The following TRABD2B variants were observed in gnomAD, a reference collection of about 807,000 sequenced individuals.
TRABD2B encodes TraB domain containing 2B.
TRABD2B carries 14 observed loss-of-function variants against 40.1 expected under a neutral mutation model. That is an observed-to-expected ratio of 0.35 (90% CI 0.23 to 0.55). TRABD2B has a LOEUF of 0.55. TRABD2B is among the 20% of genes least tolerant of loss of function. The pLI is 0.90. For synonymous variants in TRABD2B, 263 were observed against 277.0 expected (o/e 0.95, Z 0.50); for missense variants, 541 against 648.6 (o/e 0.83, Z 1.80).
chr1:47,949,037 A>G (rs765885925), intron 2 of TRABD2B, among the ~76,000 whole-genome samples: 31 of 152,202 alleles, frequency 2.0e-4, no homozygotes, highest in Non-Finnish European at 3.7e-4. Context: ...CGTGACTAAC[A>G]TAAGGGCACA....
chr1:47,913,281 G>A (rs1440788300), intron 2 of TRABD2B, among the ~76,000 whole-genome samples: 1 of 152,210 alleles, frequency 6.6e-6, no homozygotes, highest in Non-Finnish European at 1.5e-5. Flanking sequence ...GGCACTGGGT[G>A]CTGCCTTTTA....
intron 2 of TRABD2B, among the ~76,000 whole-genome samples, chr1:47,902,407 C>A (rs966199373): frequency 2.6e-5 from 4 of 152,304 alleles, no homozygotes; most frequent in Non-Finnish European, 4.4e-5. Flanking sequence ...CCGAGACCCA[C>A]GAGAAGGAGT....
At chr1:47,873,210 C>T (rs978390350) in intron 2 of TRABD2B, among the ~76,000 whole-genome samples, 4 of 152,138 alleles carry the variant, frequency 2.6e-5, no homozygotes, top group East Asian at 1.9e-4. Flanking sequence ...AATACCATCA[C>T]CTTGAAGGTC....
chr1:47,888,599 G>A (rs952780053), intron 2 of TRABD2B, among the ~76,000 whole-genome samples: 4 of 152,076 alleles, frequency 2.6e-5, no homozygotes, highest in Admixed American at 1.3e-4. Flanking sequence ...TCCAAACTGG[G>A]AGTGACAGTG....
intron 2 of TRABD2B, among the ~76,000 whole-genome samples, chr1:47,835,299 A>T (rs1446037884): frequency 6.6e-6 from 1 of 152,216 alleles, no homozygotes; most frequent in Non-Finnish European, 1.5e-5. Context: ...CACACCATCA[A>T]GTGTACCAAC....
At chr1:47,860,698 G>C (rs895583451) in intron 2 of TRABD2B, among the ~76,000 whole-genome samples, 2 of 152,204 alleles carry the variant, frequency 1.3e-5, no homozygotes, top group Non-Finnish European at 2.9e-5. Context: ...GGTGGGCCTA[G>C]TCAGAAGTGT....
At chr1:47,980,842 C>T (rs1346526328) in intron 2 of TRABD2B, among the ~76,000 whole-genome samples, 2 of 152,188 alleles carry the variant, frequency 1.3e-5, no homozygotes, top group Admixed American at 6.5e-5. Flanking sequence ...TCTCTGCTTC[C>T]CAGGGCCACA....
At chr1:47,794,792 T>A (rs971765048) in intron 3 of TRABD2B, 32 bp from the exon 4 acceptor site, 9 of 666,978 alleles carry the variant, frequency 1.3e-5, no homozygotes, top group Non-Finnish European at 1.5e-5. Flanking sequence ...TGCCTTCAGT[T>A]TTTTTTTTTT....
rs1043020501 is a variant in TRABD2B, at chr1:47,778,637, C to T, written c.989-93G>A. ...GCCATCCCCTAAGTTTGTATCTGGG[C>T]CAGTGACCTACACCAAAGTCAATGC... On this transcript the variant is annotated intron_variant, in intron 4 of 6. Transcript: ENST00000606738. 5.8e-6 allele frequency: 5 copies of T among 868,794 alleles called. No homozygotes were observed. In the African/African-American group the frequency reaches 8.3e-5, roughly 14 times the overall value. 53.8% of individuals were successfully genotyped at this position (868,794 alleles called of 1,614,324 possible). A position where few individuals can be genotyped will look rare whatever the true frequency, so the allele number is the denominator to read the frequency against.
intron 2 of TRABD2B, among the ~76,000 whole-genome samples, chr1:47,914,300 A>T (rs1370605863): frequency 1.3e-5 from 2 of 152,238 alleles, no homozygotes; most frequent in Non-Finnish European, 2.9e-5. Flanking sequence ...CAAGAGTAGC[A>T]GGAAGAGAGG....
intron 2 of TRABD2B, among the ~76,000 whole-genome samples, chr1:47,856,190 G>T (rs1370296833): frequency 1.3e-5 from 2 of 152,166 alleles, no homozygotes; most frequent in East Asian, 3.9e-4. Context: ...ATGTAAGCGG[G>T]GTCTGCGGGC....
chr1:47,789,878 G>C (rs561421792), intron 4 of TRABD2B, among the ~76,000 whole-genome samples: 8 of 151,210 alleles, frequency 5.3e-5, no homozygotes, highest in African/African-American at 1.9e-4. Flanking sequence ...TGTATCATCA[G>C]CCTCACTCAT....
chr1:47,773,062 A>C (rs1644397008), intron 6 of TRABD2B, among the ~76,000 whole-genome samples: 3 of 152,244 alleles, frequency 2.0e-5, no homozygotes, highest in African/African-American at 7.2e-5. Context: ...ACCTTCAGAC[A>C]TGGTTAGGGG....
chr1:47,858,023 T>C (rs1223563096), intron 2 of TRABD2B, among the ~76,000 whole-genome samples: 2 of 151,900 alleles, frequency 1.3e-5, no homozygotes, highest in Non-Finnish European at 2.9e-5. Context: ...AAGTATATTG[T>C]TATAATGGTT....
intron 2 of TRABD2B, among the ~76,000 whole-genome samples, chr1:47,805,701 C>T (rs890008319): frequency 6.6e-6 from 1 of 152,136 alleles, no homozygotes; most frequent in Non-Finnish European, 1.5e-5. Context: ...CCATTCATTA[C>T]CAGGATTACG....
At chr1:47,865,738 G>A (rs1358271767) in intron 2 of TRABD2B, among the ~76,000 whole-genome samples, 1 of 152,056 alleles carries the variant, frequency 6.6e-6, no homozygotes, top group South Asian at 2.1e-4. Flanking sequence ...CATCCTAGGC[G>A]CTTGTCACAT....
chr1:47,871,662 C>T (rs574655402), intron 2 of TRABD2B, among the ~76,000 whole-genome samples: 105 of 152,332 alleles, frequency 6.9e-4, no homozygotes, highest in Non-Finnish European at 1.4e-3. Context: ...ACCCTGCCCA[C>T]TTCACAGGTA....
Position 47,767,442 on chromosome 1 carries a change from G to C in TRABD2B, c.1350-1336C>G, listed in dbSNP as rs568078065. Among the ~76,000 whole-genome samples, 5 of 152,310 alleles carry C rather than the reference G, an allele frequency of 3.3e-5. No homozygotes were observed. The East Asian group carries it at 9.7e-4, about 29-fold the overall frequency. On this transcript the variant is annotated intron_variant, in intron 6 of 6. Transcript: ENST00000606738. Reference sequence around the variant, plus strand: ...CACTCCTGGACGGTGAAAAAAGAACGTACAGAGCCCTGCCCCTGCACCAGG... The same window carrying C: ...CACTCCTGGACGGTGAAAAAAGAACCTACAGAGCCCTGCCCCTGCACCAGG...
chr1:47,905,095 G>A (rs1290046402), intron 2 of TRABD2B, among the ~76,000 whole-genome samples: 2 of 152,058 alleles, frequency 1.3e-5, no homozygotes, highest in Admixed American at 1.3e-4. Context: ...CAGGGAACAA[G>A]TAACTGGAAA....
Sources: allele counts gnomAD v4.1 joint callset (sites outside exome capture counted in the v4.1 genomes callset), GRCh38; gene constraint gnomAD v4.1.1; transcripts MANE v1.5; gene names NCBI Gene and HGNC (gene_info 2026-07-23, HGNC 2026-07-21).